Variants in DNAH14 observed in about 807,000 individuals in gnomAD.
DNAH14 encodes axonemal beta dynein heavy chain 14.
A neutral mutation model predicts 520.9 loss-of-function variants in DNAH14; 478 were observed. The observed-to-expected ratio is 0.92, with a 90% confidence interval of 0.85 to 0.99. The LOEUF (loss-of-function observed/expected upper bound fraction) is 0.99. DNAH14 is among the 50% of genes least tolerant of loss of function. DNAH14 has a pLI of 0.00. For synonymous variants in DNAH14, 1,581 were observed against 1,757.2 expected, an observed-to-expected ratio of 0.90 and a Z score of 2.51; for missense variants, 4,831 against 5,234.5, an observed-to-expected ratio of 0.92 and a Z score of 2.38.
At chr1:225,282,341 CCTT>C (rs1574498490) in intron 54 of DNAH14, among the ~76,000 whole-genome samples, 2 of 152,192 alleles carry the variant, frequency 1.3e-5, no homozygotes, top group East Asian at 3.9e-4. Flanking sequence ...CCATCAGGCC[CCTT>C]CTTCTATACG....
chr1:225,012,407 T>A (rs192454482), intron 10 of DNAH14, among the ~76,000 whole-genome samples: 136 of 152,218 alleles, frequency 8.9e-4, no homozygotes, highest in Admixed American at 1.4e-3. Flanking sequence ...TTAACCTTGG[T>A]GAATCTGATG....
At chr1:225,313,727 C>T (rs1220592231) in intron 60 of DNAH14, among the ~76,000 whole-genome samples, 1 of 152,160 alleles carries the variant, frequency 6.6e-6, no homozygotes, top group African/African-American at 2.4e-5. Context: ...GCAGGTTGTT[C>T]AGTTTCCATG....
At chr1:225,320,656 A>G (rs2094541226) in intron 61 of DNAH14, among the ~76,000 whole-genome samples, 1 of 152,222 alleles carries the variant, frequency 6.6e-6, no homozygotes, top group South Asian at 2.1e-4. Context: ...CAAAATGCCA[A>G]CAATTGCCCC....
At chr1:225,220,783 A>G (rs1282497231) in intron 41 of DNAH14, among the ~76,000 whole-genome samples, 1 of 152,222 alleles carries the variant, frequency 6.6e-6, no homozygotes, top group Non-Finnish European at 1.5e-5. Flanking sequence ...GATTTTCTTC[A>G]CAGAATTAGA....
At chr1:225,338,266 A>C (rs1453867783) in intron 68 of DNAH14, 84 bp downstream of exon 68, 1 of 1,463,056 alleles carries the variant, frequency 6.8e-7, no homozygotes, top group African/African-American at 1.4e-5. Flanking sequence ...CAGTCCTGTC[A>C]AGCTTCTACA....
In DNAH14 at chr1:225,194,140, T is replaced by C. The variant is rs2085803176; in HGVS notation, c.5886+1229T>C. Among the ~76,000 whole-genome samples the C allele has an allele frequency of 2.0e-5, 3 of 152,126 alleles. No individual in the cohort carries two copies. The South Asian group carries it at 6.2e-4, about 31-fold the overall frequency. On this transcript the variant is annotated intron_variant, in intron 38 of 85. Coordinates refer to ENST00000682510, the MANE Select transcript of DNAH14 (RefSeq NM_001367479.1). Reference sequence around the variant, plus strand: ...ATACTGCGCAAAGCAATTACAGACTTAATGCTATTCCTATCAACTACCAGT... The same window carrying C: ...ATACTGCGCAAAGCAATTACAGACTCAATGCTATTCCTATCAACTACCAGT...
In DNAH14 at chr1:225,386,405, C is replaced by T. The variant is rs536737633; in HGVS notation, c.13078-1974C>T. 2.6e-5 allele frequency among the ~76,000 whole-genome samples: 4 copies of T among 152,342 alleles called. No homozygotes were observed. In the East Asian group the frequency reaches 7.7e-4, roughly 29 times the overall value. ...GGGATCTAATTAAACTAAAGAGCTT[C>T]TGCACAGCAAAAGAAACTACCATCA... On this transcript the variant is annotated intron_variant, in intron 81 of 85. Transcript: ENST00000682510.
At chr1:225,219,336 TAGAGAC>T (rs1405815932) in intron 41 of DNAH14, among the ~76,000 whole-genome samples, 1 of 144,866 alleles carries the variant, frequency 6.9e-6, no homozygotes, top group Non-Finnish European at 1.5e-5. Flanking sequence ...CTGAAGGAAA[TAGAGAC>T]AGGAGAAACC....
chr1:225,201,355 T>C (rs943788470), intron 38 of DNAH14, among the ~76,000 whole-genome samples: 3 of 152,192 alleles, frequency 2.0e-5, no homozygotes, highest in African/African-American at 7.2e-5. Context: ...TTCTGAATTC[T>C]TTTTCAGGTA....
rs1300803413 is a variant in DNAH14 at position 225,272,936 on chromosome 1, A to G, written c.7840-19A>G. 1 of 1,502,372 alleles carries G rather than the reference A, an allele frequency of 6.7e-7. No individual in the cohort carries two copies. Among genetic ancestry groups the G allele is most frequent in the African/African-American group, 1.4e-5 (1 of 69,706 alleles). The allele number at this position is 1,502,372 out of a possible 1,614,324, so 93.1% of individuals were successfully genotyped here. On this transcript the variant is annotated intron_variant, in intron 51 of 85. Coordinates refer to ENST00000682510, the MANE Select transcript of DNAH14 (RefSeq NM_001367479.1). ...TGCTAATTTTTTTTAAAAAAACGTT[A>G]TTTTTAAATCCCTAACAGCTTCTCC...
At chr1:225,018,032 A>G (rs764599984) in intron 10 of DNAH14, among the ~76,000 whole-genome samples, 8 of 152,148 alleles carry the variant, frequency 5.3e-5, no homozygotes, top group African/African-American at 1.4e-4. Context: ...CCAAATAATC[A>G]CACTAGCTCT....
rs547965786 is a variant in DNAH14 at position 225,108,252 on chromosome 1, G to T, written c.3867+7368G>T. On this transcript the variant is annotated intron_variant, in intron 23 of 85. Transcript: ENST00000682510. ...GGACTTACACCAGTGGTTTGCCAGG[G>T]TTTCTCAGGCCTTCAGCCACAGACT... Among the ~76,000 whole-genome samples the T allele has an allele frequency of 2.2e-4, 33 of 152,280 alleles. 2 individuals carry two copies. In the South Asian group the frequency reaches 6.8e-3, roughly 32 times the overall value.
At chr1:225,064,861 G>C (rs1450958066) in intron 17 of DNAH14, among the ~76,000 whole-genome samples, 1 of 151,888 alleles carries the variant, frequency 6.6e-6, no homozygotes, top group Non-Finnish European at 1.5e-5. Flanking sequence ...ATGTATGAGT[G>C]TGTTAAAACT....
At position 225,295,088 on chromosome 1, in the gene DNAH14, A is replaced by G. The variant is rs115168596; in HGVS notation, c.8469+5006A>G. Among the ~76,000 whole-genome samples the G allele has an allele frequency of 4.7e-3, 717 of 152,146 alleles. 4 individuals carry two copies. Among genetic ancestry groups the G allele is most frequent in the African/African-American group, 0.016 (681 of 41,516 alleles). Reference sequence around the variant, plus strand: ...GTCTCTAGTAATCCTGGGTATTTCTATGGTATCCATTGTGATGTATTCTTT... The same window carrying G: ...GTCTCTAGTAATCCTGGGTATTTCTGTGGTATCCATTGTGATGTATTCTTT... On this transcript the variant is annotated intron_variant, in intron 55 of 85. Coordinates refer to ENST00000682510, the MANE Select transcript of DNAH14 (RefSeq NM_001367479.1).
chr1:225,042,347 G>A (rs954034244), intron 12 of DNAH14, among the ~76,000 whole-genome samples: 1 of 152,182 alleles, frequency 6.6e-6, no homozygotes, highest in Non-Finnish European at 1.5e-5. Flanking sequence ...ATCCCCTAGT[G>A]TTTTTCACTG....
Position 225,085,631 on chromosome 1 carries a change from G to T in DNAH14, c.3415G>T (p.Asp1139Tyr). The T allele has an allele frequency of 6.4e-7, 1 of 1,551,142 alleles. No individual in the cohort carries two copies. ...TGAAAAAATGCTATTTAAGATTATT[G>T]ATTTTTGGAACACTACTCCTTTGCC... ...ALEKMLFKII[D>Y]FWNTTPLPLI... The change falls in exon 21 of 86, where the codon GAT becomes TAT. Residue 1139 changes from aspartate (D) to tyrosine (Y), a missense_variant. Transcript: ENST00000682510.
At chr1:225,165,961 A>G (rs1433582398) in intron 35 of DNAH14, among the ~76,000 whole-genome samples, 4 of 152,136 alleles carry the variant, frequency 2.6e-5, no homozygotes, top group African/African-American at 4.8e-5. Flanking sequence ...CAGAAGTACA[A>G]TAGATACTTG....
chr1:225,225,309 T>C (rs1220558934), intron 41 of DNAH14, among the ~76,000 whole-genome samples: 2 of 152,228 alleles, frequency 1.3e-5, no homozygotes, highest in Non-Finnish European at 2.9e-5. Context: ...CATGTATTCA[T>C]TGATACCAAT....
intron 18 of DNAH14, 121 bp downstream of exon 18, chr1:225,079,669 A>ATTATTT: frequency 2.8e-6 from 1 of 353,746 alleles, no homozygotes; most frequent in Non-Finnish European, 4.6e-6. Flanking sequence ...TAATACAAGT[A>ATTATTT]TTCTTTTTTT....
Sources: allele counts gnomAD v4.1 joint callset (sites outside exome capture counted in the v4.1 genomes callset), GRCh38; gene constraint gnomAD v4.1.1; transcripts MANE v1.5; gene names NCBI Gene and HGNC (gene_info 2026-07-23, HGNC 2026-07-21).